Variants in PRKN observed in about 807,000 individuals in gnomAD.
PRKN encodes E3 ubiquitin-protein ligase parkin.
PRKN carries 56 observed loss-of-function variants against 59.5 expected under a neutral mutation model. The observed-to-expected ratio is 0.94, with a 90% CI of 0.76 to 1.18. PRKN has a LOEUF of 1.18. Ranked by LOEUF, PRKN falls within the 50% of genes most tolerant of loss-of-function variation. The probability of loss-of-function intolerance (pLI) is 0.00; values close to 1 mark genes in which losing one functional copy is unlikely to be tolerated. For missense variants in PRKN, 657 were observed against 596.4 expected (o/e 1.10, Z -1.06); for synonymous variants, 250 against 222.1 (o/e 1.13, Z -1.12).
intron 2 of PRKN, among the ~76,000 whole-genome samples, chr6:162,373,847 T>C (rs1298964441): frequency 3.3e-5 from 5 of 152,108 alleles, no homozygotes; most frequent in Non-Finnish European, 7.4e-5. Context: ...CAAACTAGAA[T>C]AGGTTTAGAG....
chr6:162,040,297 C>T (rs6911067), intron 5 of PRKN, among the ~76,000 whole-genome samples: 26,451 of 152,056 alleles, frequency 0.17, 3,159 homozygotes, highest in African/African-American at 0.34. Flanking sequence ...TGCTACTTTG[C>T]CTTTTATGAT....
chr6:162,055,875 A>G (rs1002689264), intron 4 of PRKN, among the ~76,000 whole-genome samples: 13 of 152,004 alleles, frequency 8.6e-5, no homozygotes, highest in African/African-American at 2.9e-4. Context: ...AGGGGTTCAC[A>G]GCCACCCCTG....
intron 10 of PRKN, among the ~76,000 whole-genome samples, chr6:161,382,530 C>G (rs907716386): frequency 6.6e-6 from 1 of 152,184 alleles, no homozygotes; most frequent in Non-Finnish European, 1.5e-5. Context: ...CTACCTAGAA[C>G]CAGTTTATGT....
intron 4 of PRKN, among the ~76,000 whole-genome samples, chr6:162,082,742 T>C (rs550466462): frequency 6.6e-5 from 10 of 152,084 alleles, no homozygotes; most frequent in African/African-American, 2.4e-4. Flanking sequence ...ATAGGACTAA[T>C]TGGCCCAATT....
intron 2 of PRKN, among the ~76,000 whole-genome samples, chr6:162,373,697 G>A (rs1332439766): frequency 6.6e-6 from 1 of 151,750 alleles, no homozygotes; most frequent in African/African-American, 2.4e-5. Context: ...TTTTGTTCCT[G>A]GTGACATAGA....
intron 7 of PRKN, among the ~76,000 whole-genome samples, chr6:161,701,668 T>C (rs909313254): frequency 6.6e-6 from 1 of 152,222 alleles, no homozygotes; most frequent in Non-Finnish European, 1.5e-5. Flanking sequence ...TAGATCAATG[T>C]GGCTTGAATA....
At chr6:162,425,750 A>T (rs1339666156) in intron 2 of PRKN, among the ~76,000 whole-genome samples, 1 of 152,240 alleles carries the variant, frequency 6.6e-6, no homozygotes, top group Admixed American at 6.5e-5. Context: ...CTGAAAAAGG[A>T]ATAAAAAGTC....
chr6:162,443,195 C>T (rs907621223), intron 2 of PRKN, 115 bp downstream of exon 2: 17 of 1,068,820 alleles, frequency 1.6e-5, no homozygotes, highest in Non-Finnish European at 2.2e-5. Flanking sequence ...TTCAAGGAAT[C>T]CCCAGGCACT....
chr6:162,298,788 A>AT (rs1354809694), intron 2 of PRKN, among the ~76,000 whole-genome samples: 1 of 152,108 alleles, frequency 6.6e-6, no homozygotes, highest in Non-Finnish European at 1.5e-5. Flanking sequence ...CCTGAGCTGT[A>AT]TAAGATTCTC....
intron 4 of PRKN, among the ~76,000 whole-genome samples, chr6:162,090,367 T>C (rs1340218359): frequency 6.6e-6 from 1 of 152,202 alleles, no homozygotes; most frequent in Non-Finnish European, 1.5e-5. Flanking sequence ...TATTTTAAAA[T>C]AGTTATCCCT....
At chr6:161,654,002 G>C (rs759923056) in intron 7 of PRKN, among the ~76,000 whole-genome samples, 2 of 108,338 alleles carry the variant, frequency 1.8e-5, no homozygotes, top group Admixed American at 1.5e-4. Flanking sequence ...TGAATAAAAT[G>C]CATTTTTTTT....
Position 161,562,917 on chromosome 6 carries a change from G to A in PRKN, c.933+6438C>T, listed in dbSNP as rs1780510225. On this transcript the variant is annotated intron_variant, in intron 8 of 11. Transcript: ENST00000366898. The surrounding 1 kb of genome is among the most constrained non-coding windows in gnomAD (Gnocchi z 4.3). ...CTTCAAGGATTTCCCACTAAACTCA[G>A]AACAAAACCCATATGCTTAACCCTG... 6.6e-6 allele frequency among the ~76,000 whole-genome samples: 1 copy of A among 152,260 alleles called. No homozygotes were observed. The highest frequency in any genetic ancestry group is 2.4e-5 in the African/African-American group (1 of 41,568).
At chr6:161,481,770 T>C (rs75882227) in intron 9 of PRKN, among the ~76,000 whole-genome samples, 93 of 152,252 alleles carry the variant, frequency 6.1e-4, no homozygotes, top group African/African-American at 2.1e-3. Flanking sequence ...TTGAGCACTT[T>C]ATTATTGTTC....
rs142738473 is a variant in PRKN, at chr6:162,012,643, T to A, written c.619-39226A>T. Among the ~76,000 whole-genome samples the A allele has an allele frequency of 2.4e-3, 361 of 152,248 alleles. 4 individuals carry two copies. Among genetic ancestry groups the A allele is most frequent in the African/African-American group, 8.2e-3 (339 of 41,546 alleles). On this transcript the variant is annotated intron_variant, in intron 5 of 11. Transcript: ENST00000366898. ...TACCTTATTGAGCAAATCTGATCCTTACTTGTAAATTGAACCAATTATATC... is the reference window on the plus strand; with the variant it reads ...TACCTTATTGAGCAAATCTGATCCTAACTTGTAAATTGAACCAATTATATC...
intron 1 of PRKN, among the ~76,000 whole-genome samples, chr6:162,599,726 G>C (rs1297423948): frequency 6.6e-6 from 1 of 152,128 alleles, no homozygotes; most frequent in Admixed American, 6.5e-5. Flanking sequence ...GCAGAACTCT[G>C]TCAGCGTAAA....
chr6:161,770,340 T>G (rs116732188), intron 7 of PRKN, among the ~76,000 whole-genome samples: 1 of 152,126 alleles, frequency 6.6e-6, no homozygotes, highest in African/African-American at 2.4e-5. Context: ...ATTTAAAAAC[T>G]ATTTCAGAAT....
intron 4 of PRKN, among the ~76,000 whole-genome samples, chr6:162,126,797 T>C (rs1781144245): frequency 6.6e-6 from 1 of 151,746 alleles, no homozygotes; most frequent in African/African-American, 2.4e-5. Context: ...TTTACTCTAA[T>C]TCATTTTCCT....
At chr6:161,781,858 C>T (rs1165201343) in intron 7 of PRKN, among the ~76,000 whole-genome samples, 1 of 152,160 alleles carries the variant, frequency 6.6e-6, no homozygotes, top group Non-Finnish European at 1.5e-5. Context: ...ATACAGCCAA[C>T]TACATAGAAT....
intron 1 of PRKN, among the ~76,000 whole-genome samples, chr6:162,715,868 C>T (rs984459827): frequency 6.6e-6 from 1 of 152,152 alleles, no homozygotes; most frequent in Admixed American, 6.6e-5. Flanking sequence ...CTGTTTCAAA[C>T]GCGCTTTCTT....
Sources: gnomAD v4.1 joint callset for allele counts (sites outside exome capture counted in the v4.1 genomes callset) on GRCh38, gnomAD v4.1.1 for gene constraint, Gnocchi (gnomAD v3.1) non-coding constraint, MANE v1.5 for transcripts, NCBI Gene and HGNC (gene_info 2026-07-23, HGNC 2026-07-21) for gene names.